Variants in TBC1D16 observed in about 807,000 individuals in gnomAD.
TBC1D16 encodes CTD-2529O21.1.
TBC1D16 carries 58 observed loss-of-function variants against 74.7 expected under a neutral mutation model. The ratio of observed to expected loss-of-function variants is 0.78; its 90% confidence interval spans 0.63 to 0.97. TBC1D16 has a LOEUF of 0.97. Ranked by LOEUF, TBC1D16 falls within the 50% of genes least tolerant of loss-of-function variation. The pLI is 0.00. For missense variants in TBC1D16, 1,014 were observed against 1,079.5 expected, an observed-to-expected ratio of 0.94 and a Z score of 0.85; for synonymous variants, 493 against 474.7, an observed-to-expected ratio of 1.04 and a Z score of -0.50.
intron 1 of TBC1D16, among the ~76,000 whole-genome samples, chr17:80,022,291 C>T (rs1308108914): frequency 6.7e-6 from 1 of 149,722 alleles, no homozygotes; most frequent in African/African-American, 2.6e-5. Context: ...GACAAAAACA[C>T]TGAAATCTAT....
At position 79,947,841 on chromosome 17, in the gene TBC1D16, G is replaced by A. The variant is rs369057011; in HGVS notation, c.1542-10C>T. 383 of 1,610,988 alleles carry A rather than the reference G, an allele frequency of 2.4e-4. No individual in the cohort carries two copies. The highest frequency in any genetic ancestry group is 3.6e-4 in the African/African-American group (27 of 75,016). On this transcript the variant is annotated splice_polypyrimidine_tract_variant and intron_variant, in intron 8 of 11. Transcript: ENST00000310924. ...GTTCAGCAGGATCCTCCTGGGAGGCGGTGGAGACAGCAGTGGGTGGGGATG... is the reference window on the plus strand; with the variant it reads ...GTTCAGCAGGATCCTCCTGGGAGGCAGTGGAGACAGCAGTGGGTGGGGATG...
chr17:80,024,698 CCA>C (rs1347634339), intron 1 of TBC1D16, among the ~76,000 whole-genome samples: 7 of 5,870 alleles, frequency 1.2e-3, no homozygotes, highest in Admixed American at 2.4e-3. Flanking sequence ...GACACACATG[CCA>C]CACACGACAC....
rs2035195726 is a variant in TBC1D16 at position 79,994,558 on chromosome 17, G to A, written c.779+15602C>T. Among the ~76,000 whole-genome samples the A allele has an allele frequency of 6.6e-6, 1 of 152,102 alleles. No individual in the cohort carries two copies. The highest frequency in any genetic ancestry group is 1.5e-5 in the Non-Finnish European group (1 of 68,030). ...CCTGTCTCAGCCTCCCAAGTAGCTG[G>A]GATTACAGGTGTCTGCCACCACGCC... On this transcript the variant is annotated intron_variant, in intron 3 of 11. Transcript: ENST00000310924. This position sits in a 1 kb window ranked among gnomAD's most constrained non-coding sequence, Gnocchi z 4.6.
Position 79,947,769 on chromosome 17 carries a change from TCCGACATC to T in TBC1D16, c.1596_1603del (p.Met533ProfsTer12). 1 of 1,613,880 alleles carries T rather than the reference TCCGACATC, an allele frequency of 6.2e-7. No individual in the cohort carries two copies. Among genetic ancestry groups the T allele is most frequent in the Non-Finnish European group, 8.5e-7 (1 of 1,179,996 alleles). ...CTCGGCCAAGATGGGCGCCACCAGG[TCCGACATC>T]CCTTGGGAATAGCCGACGGCAGGGT... On this transcript the variant is annotated frameshift_variant, in exon 9 of 12. Coordinates refer to ENST00000310924, the MANE Select transcript of TBC1D16 (RefSeq NM_019020.4). LOFTEE classifies it high-confidence loss of function.
chr17:79,945,231 G>C, intron 9 of TBC1D16, 144 bp from the exon 10 acceptor site: 1 of 856,732 alleles, frequency 1.2e-6, no homozygotes, highest in Non-Finnish European at 1.7e-6. Context: ...GCATGTGCCT[G>C]CCCCCCCAAC....
intron 1 of TBC1D16, among the ~76,000 whole-genome samples, chr17:80,024,563 C>CCACACA (rs1568648663): frequency 1.7e-5 from 1 of 59,266 alleles, no homozygotes; most frequent in Admixed American, 1.6e-4. Flanking sequence ...ACACCACACA[C>CCACACA]GACACACCAT....
rs796380785 is a variant in TBC1D16, at chr17:79,943,183, T to C, written c.1909-977A>G. 8.5e-5 allele frequency among the ~76,000 whole-genome samples: 13 copies of C among 152,332 alleles called. 1 individual carries two copies. Among genetic ancestry groups the C allele is most frequent in the African/African-American group, 2.9e-4 (12 of 41,592 alleles). On this transcript the variant is annotated intron_variant, in intron 10 of 11. Coordinates refer to ENST00000310924, the MANE Select transcript of TBC1D16 (RefSeq NM_019020.4). ...CCCCAGCCTGCTCCTGGAGAGACCA[T>C]GCACCAGGCTGCCCGGCTGCTTCCT... is the stretch of plus-strand genomic sequence containing the variant.
In TBC1D16 at chr17:80,008,207, G is replaced by A. The variant is rs1408060232; in HGVS notation, c.779+1953C>T. Among the ~76,000 whole-genome samples, 1 of 152,042 alleles carries A rather than the reference G, an allele frequency of 6.6e-6. No individual in the cohort carries two copies. Reference sequence around the variant, plus strand: ...AGCAAGGCGAAGGGCGGGGAAAAGCGAACCGGGGTGCATTCTCACAATACC... The same window carrying A: ...AGCAAGGCGAAGGGCGGGGAAAAGCAAACCGGGGTGCATTCTCACAATACC... On this transcript the variant is annotated intron_variant, in intron 3 of 11. Transcript: ENST00000310924. This position sits in a 1 kb window ranked among gnomAD's most constrained non-coding sequence, Gnocchi z 4.5.
In TBC1D16 at chr17:79,979,062, G is replaced by A. The variant is rs1370776532; in HGVS notation, c.780-26244C>T. Among the ~76,000 whole-genome samples, 1 of 152,176 alleles carries A rather than the reference G, an allele frequency of 6.6e-6. No individual in the cohort carries two copies. Among genetic ancestry groups the A allele is most frequent in the Non-Finnish European group, 1.5e-5 (1 of 68,038 alleles). On this transcript the variant is annotated intron_variant, in intron 3 of 11. Transcript: ENST00000310924. The surrounding 1 kb of genome is among the most constrained non-coding windows in gnomAD (Gnocchi z 4.8). ...CCCCTAGATTTTATAGGAGCTTAAC[G>A]TGGGCAAACCAATGAGATGATTCTA...
In TBC1D16 at chr17:80,035,370, G is replaced by T. The variant is rs533892214; in HGVS notation, c.-63+425C>A. Among the ~76,000 whole-genome samples, 6 of 152,164 alleles carry T rather than the reference G, an allele frequency of 3.9e-5. No homozygotes were observed. The highest frequency in any genetic ancestry group is 1.4e-4 in the African/African-American group (6 of 41,516). On this transcript the variant is annotated intron_variant, in intron 1 of 11. Transcript: ENST00000310924. This position sits in a 1 kb window ranked among gnomAD's most constrained non-coding sequence, Gnocchi z 5.3. ...GGAAAGCTGAGCGCGCGCTGCTGGG[G>T]GGACGCACACTTTGGAGGCTGTGTG...
chr17:80,010,096 G>A lies in TBC1D16; in HGVS notation c.779+64C>T. 7.4e-7 allele frequency: 1 copy of A among 1,351,814 alleles called. No homozygotes were observed. The highest frequency in any genetic ancestry group is 1.0e-6 in the Non-Finnish European group (1 of 988,762). 83.7% of individuals were successfully genotyped at this position (1,351,814 alleles called of 1,614,324 possible). ...GGCATCACAGGTGACGCAGGTGAGTGCTTCCTGCCCAGGTCAGGCCTTGGG... is the reference window on the plus strand; with the variant it reads ...GGCATCACAGGTGACGCAGGTGAGTACTTCCTGCCCAGGTCAGGCCTTGGG... On this transcript the variant is annotated intron_variant, in intron 3 of 11. Transcript: ENST00000310924. This position sits in a 1 kb window ranked among gnomAD's most constrained non-coding sequence, Gnocchi z 8.8.
Position 79,985,082 on chromosome 17 carries a change from C to T in TBC1D16, c.779+25078G>A, listed in dbSNP as rs991085066. Among the ~76,000 whole-genome samples the T allele has an allele frequency of 6.6e-5, 10 of 152,250 alleles. No individual in the cohort carries two copies. The highest frequency in any genetic ancestry group is 3.9e-4 in the East Asian group (2 of 5,176). ...TGGAGGTCAAAGTCAAGGTGCTAGTCGGGCCGCGCCCCCTCTGAAGGCTCC... is the reference window on the plus strand; with the variant it reads ...TGGAGGTCAAAGTCAAGGTGCTAGTTGGGCCGCGCCCCCTCTGAAGGCTCC... On this transcript the variant is annotated intron_variant, in intron 3 of 11. Coordinates refer to ENST00000310924, the MANE Select transcript of TBC1D16 (RefSeq NM_019020.4). This position sits in a 1 kb window ranked among gnomAD's most constrained non-coding sequence, Gnocchi z 4.9.
chr17:80,028,901 C>T (rs369098937), intron 1 of TBC1D16, among the ~76,000 whole-genome samples: 12 of 152,204 alleles, frequency 7.9e-5, no homozygotes, highest in African/African-American at 2.6e-4. Flanking sequence ...CGTGAGCCAC[C>T]GCCCCGAGCC....
Position 80,013,397 on chromosome 17 carries a change from C to T in TBC1D16, c.151G>A (p.Gly51Arg), listed in dbSNP as rs2035967562. Residue 51 changes from glycine to arginine, a missense_variant, in exon 2 of 12, where the codon GGG becomes AGG. Transcript: ENST00000310924. ...TGGTGCTCCCCCAGCCCCTGCAGCC[C>T]CTCCGGCGGGTGCACGCAGACATTG... ...KNNVCVHPPEGLQGLGEHHPG... is the reference protein window; with the variant it reads ...KNNVCVHPPERLQGLGEHHPG... 6.2e-7 allele frequency: 1 copy of T among 1,609,020 alleles called. No individual in the cohort carries two copies. Among genetic ancestry groups the T allele is most frequent in the Non-Finnish European group, 8.5e-7 (1 of 1,178,188 alleles).
At chr17:79,947,619 G>A (rs1275156232) in intron 9 of TBC1D16, 26 bp downstream of exon 9, 1 of 1,612,022 alleles carries the variant, frequency 6.2e-7, no homozygotes, top group African/African-American at 1.3e-5. Context: ...CATGCCCTTG[G>A]ACGCACCCAT....
intron 1 of TBC1D16, among the ~76,000 whole-genome samples, chr17:80,015,482 C>T (rs1337947348): frequency 6.6e-6 from 1 of 152,044 alleles, no homozygotes; most frequent in Non-Finnish European, 1.5e-5. Context: ...CAGAGCCACG[C>T]TGCATCCTGA....
In TBC1D16 at chr17:79,950,727, G is replaced by A. The variant is rs1298270930; in HGVS notation, c.1090-149C>T. 2 of 1,536,490 alleles carry A rather than the reference G, an allele frequency of 1.3e-6. No homozygotes were observed. The highest frequency in any genetic ancestry group is 3.9e-5 in the Admixed American group (2 of 51,000). On this transcript the variant is annotated intron_variant, in intron 5 of 11. Transcript: ENST00000310924. The surrounding 1 kb of genome is among the most constrained non-coding windows in gnomAD (Gnocchi z 4.6). ...GCATACAAACCCCTAAATGGCGAGT[G>A]TAATTAGGCGCAATTAAAATGAAAA...
intron 9 of TBC1D16, among the ~76,000 whole-genome samples, chr17:79,945,480 A>C: frequency 6.6e-6 from 1 of 151,434 alleles, no homozygotes. Flanking sequence ...GAGCCCCCCC[A>C]CCCCTCTTCG....
At chr17:79,997,217 T>A (rs980873907) in intron 3 of TBC1D16, among the ~76,000 whole-genome samples, 1 of 152,166 alleles carries the variant, frequency 6.6e-6, no homozygotes, top group Non-Finnish European at 1.5e-5. Context: ...CAAGCACAGA[T>A]GGGTGCCTGT....
Sources: gnomAD v4.1 joint callset for allele counts (sites outside exome capture counted in the v4.1 genomes callset) on GRCh38, gnomAD v4.1.1 for gene constraint, Gnocchi (gnomAD v3.1) non-coding constraint, MANE v1.5 for transcripts, NCBI Gene and HGNC (gene_info 2026-07-23, HGNC 2026-07-21) for gene names.